DNAH5: variants seen among roughly 807,000 people sequenced by gnomAD.
DNAH5 encodes dynein axonemal heavy chain 5.
In DNAH5, 372 loss-of-function variants were observed where a neutral mutation model predicts 518.2. The ratio of observed to expected loss-of-function variants is 0.72; its 90% CI spans 0.66 to 0.78. The LOEUF (loss-of-function observed/expected upper bound fraction) is 0.78. Among genes scored for constraint, DNAH5 ranks in the 30% least tolerant of loss-of-function variants. DNAH5 has a pLI of 0.00. For synonymous variants in DNAH5, 2,039 were observed against 2,025.9 expected (o/e 1.01, Z -0.17); for missense variants, 5,523 against 5,687.0 (o/e 0.97, Z 0.93).
chr5:13,719,907 A>G (rs1031908901), intron 71 of DNAH5, among the ~76,000 whole-genome samples: 20 of 152,180 alleles, frequency 1.3e-4, no homozygotes, highest in African/African-American at 4.3e-4. Flanking sequence ...GAATTATACC[A>G]TAAGGATAGG....
Position 13,753,521 on chromosome 5 carries a change from T to C in DNAH5, c.10584A>G (p.Leu3528=), listed in dbSNP as rs765951022. 61 of 1,613,790 alleles carry C rather than the reference T, an allele frequency of 3.8e-5. No individual in the cohort carries two copies. The highest frequency in any genetic ancestry group is 4.8e-5 in the Non-Finnish European group (57 of 1,179,892). Reference sequence around the variant, plus strand: ...CTTGGTTAAATGGACCAGAATAAGATAGAAAAGCTGTAGCCAACAGTACAT... The same window carrying C: ...CTTGGTTAAATGGACCAGAATAAGACAGAAAAGCTGTAGCCAACAGTACAT... ...VGDVLLATAF[L]SYSGPFNQEF... is the part of the protein sequence containing the mutation. The change falls in exon 63 of 79, where the codon CTA becomes CTG. Residue 3528 remains leucine (L), a synonymous_variant. Coordinates refer to ENST00000265104, the MANE Select transcript of DNAH5 (RefSeq NM_001369.3).
chr5:13,951,721 C>T lies in DNAH5; in HGVS notation c.13-20477G>A, dbSNP rs188127182. Among the ~76,000 whole-genome samples, 3 of 152,288 alleles carry T rather than the reference C, an allele frequency of 2.0e-5. No individual in the cohort carries two copies. The East Asian group carries it at 5.8e-4, about 29-fold the overall frequency. Reference sequence around the variant, plus strand: ...CTGTCCCATCAACAGACACACACCACCCTGCAGAAACCAGACAGCTGTGGA... The same window carrying T: ...CTGTCCCATCAACAGACACACACCATCCTGCAGAAACCAGACAGCTGTGGA... On this transcript the variant is annotated intron_variant, in intron 1 of 78. Transcript: ENST00000681290.
chr5:13,778,539 GAAGAAAGAAAGAAAGAAAGAAAGAAAGA>G (rs397996833), intron 53 of DNAH5, among the ~76,000 whole-genome samples: 3 of 73,858 alleles, frequency 4.1e-5, no homozygotes, highest in Non-Finnish European at 7.9e-5. Context: ...GAGAGAGAGA[GAAGAAAGAAAGAAAGAAAGAAAGAAAGA>G]AAGAAAGAAA....
rs896189091 is a variant in DNAH5, at chr5:13,720,682, T to G, written c.12279+318A>C. ...GGCATTGCACCCAGGTGATCTAAAC[T>G]TCTTAGGTGAGAACTCTGATATTCC... On this transcript the variant is annotated intron_variant, in intron 71 of 78. Transcript: ENST00000265104. Among the ~76,000 whole-genome samples the G allele has an allele frequency of 4.6e-5, 7 of 152,278 alleles. No homozygotes were observed. The East Asian group carries it at 9.6e-4, about 21-fold the overall frequency.
intron 78 of DNAH5, among the ~76,000 whole-genome samples, chr5:13,694,216 T>C (rs990511526): frequency 8.5e-5 from 13 of 152,312 alleles, no homozygotes; most frequent in Admixed American, 7.8e-4. Context: ...AAAAATAGCA[T>C]TCTCTTCAAT....
At chr5:13,909,798 A>G (rs898118035) in intron 12 of DNAH5, among the ~76,000 whole-genome samples, 2 of 152,188 alleles carry the variant, frequency 1.3e-5, no homozygotes, top group Non-Finnish European at 2.9e-5. Context: ...TCTGACTATG[A>G]GCTGCGAGGG....
In DNAH5 at chr5:13,714,581, G is replaced by A. The variant is rs1210311486; in HGVS notation, c.12949C>T (p.His4317Tyr). 1 of 1,614,144 alleles carries A rather than the reference G, an allele frequency of 6.2e-7. No individual in the cohort carries two copies. The highest frequency in any genetic ancestry group is 1.3e-5 in the African/African-American group (1 of 75,044). The change falls in exon 75 of 79, where the codon CAC (histidine) becomes TAC (tyrosine). Residue 4317 changes from histidine (H) to tyrosine (Y), a missense_variant. This residue lies in a region of DNAH5 where 387 missense variants were observed against 430.0 expected (regional missense o/e 0.90). Transcript: ENST00000265104. ...TGGTAGGTGATGTCAGCATTGGGGT[G>A]CAGCCCAAACACCTCAGGGCTGTCA... The part of the protein sequence containing the change: ...AYDSPEVFGL[H>Y]PNADITYQSK...
In DNAH5 at chr5:13,792,161, C is replaced by A; in HGVS notation, c.8281G>T (p.Asp2761Tyr). The stretch of plus-strand genomic sequence containing the variant: ...AGAGGCACCAATTTTGTCACAGAAT[C>A]TCTCACTTCTTCTGAGAAACCCCTC... ...TQRGFSEEVR[D>Y]SVTKLVPLTR... The change falls in exon 50 of 79, where the codon GAT becomes TAT. Residue 2761 changes from aspartate to tyrosine, a missense_variant. Coordinates refer to ENST00000265104, the MANE Select transcript of DNAH5 (RefSeq NM_001369.3). The A allele has an allele frequency of 6.2e-7, 1 of 1,614,014 alleles. No homozygotes were observed. Among genetic ancestry groups the A allele is most frequent in the South Asian group, 1.1e-5 (1 of 91,070 alleles).
intron 52 of DNAH5, 117 bp downstream of exon 52, chr5:13,786,062 G>A: frequency 9.8e-7 from 1 of 1,018,450 alleles, no homozygotes; most frequent in Non-Finnish European, 1.5e-6. Context: ...ATAGCATGGA[G>A]TCTAATTTTA....
intron 72 of DNAH5, 65 bp downstream of exon 72, chr5:13,718,817 A>G: frequency 7.2e-7 from 1 of 1,385,092 alleles, no homozygotes; most frequent in Non-Finnish European, 1.0e-6. Context: ...TCCTTTTATA[A>G]TTTTTTTAGG....
At chr5:13,724,974 CA>C (rs1415625091) in intron 70 of DNAH5, among the ~76,000 whole-genome samples, 1 of 152,140 alleles carries the variant, frequency 6.6e-6, no homozygotes, top group African/African-American at 2.4e-5. Context: ...TAGCAACGCA[CA>C]AACTAACAAA....
At chr5:13,959,971 A>G (rs1311450832) in intron 1 of DNAH5, among the ~76,000 whole-genome samples, 1 of 152,120 alleles carries the variant, frequency 6.6e-6, no homozygotes, top group Non-Finnish European at 1.5e-5. Flanking sequence ...TCCATCTCAA[A>G]AAAAAAGATT....
chr5:13,822,233 T>C (rs1220391130), intron 40 of DNAH5, among the ~76,000 whole-genome samples: 2 of 143,008 alleles, frequency 1.4e-5, no homozygotes, highest in East Asian at 5.4e-4. Context: ...TACATTTTGA[T>C]TTCCTTTTTT....
At chr5:13,970,963 C>T (rs1169997213) in intron 1 of DNAH5, among the ~76,000 whole-genome samples, 1 of 152,030 alleles carries the variant, frequency 6.6e-6, no homozygotes, top group African/African-American at 2.4e-5. Flanking sequence ...CCAAACTTCT[C>T]GGAGGCTTTG....
At chr5:13,874,960 G>A (rs1484089929) in intron 22 of DNAH5, among the ~76,000 whole-genome samples, 1 of 152,106 alleles carries the variant, frequency 6.6e-6, no homozygotes, top group African/African-American at 2.4e-5. Context: ...CTGTGGTTGA[G>A]GCAGAATCAT....
intron 65 of DNAH5, among the ~76,000 whole-genome samples, chr5:13,738,730 G>T (rs1747961078): frequency 6.6e-6 from 1 of 152,052 alleles, no homozygotes; most frequent in Non-Finnish European, 1.5e-5. Flanking sequence ...CCAAAGGCAG[G>T]GAGACAAAAC....
chr5:13,790,972 G>C (rs1756889228), intron 50 of DNAH5, among the ~76,000 whole-genome samples: 1 of 152,020 alleles, frequency 6.6e-6, no homozygotes, highest in Non-Finnish European at 1.5e-5. Flanking sequence ...ATTGGGTACT[G>C]GGATTAATAC....
At chr5:13,860,683 C>T (rs943556041) in intron 29 of DNAH5, 8 of 152,128 alleles carry the variant, frequency 5.3e-5, no homozygotes, top group African/African-American at 1.9e-4. Flanking sequence ...CAACCTGAAC[C>T]ACCTACATTA....
In DNAH5 at chr5:13,690,561, G is replaced by A. The variant is rs1316812829; in HGVS notation, c.*1423C>T. On this transcript the variant is annotated 3_prime_UTR_variant, in exon 79 of 79. Transcript: ENST00000265104. ...AAATAATGATCCTGGTCCACAGAAT[G>A]AAGCCCAGTGAGAGGGACCCACACT... is the stretch of plus-strand genomic sequence containing the variant. The A allele has an allele frequency of 6.6e-6, 1 of 152,128 alleles. No individual in the cohort carries two copies. The highest frequency in any genetic ancestry group is 1.5e-5 in the Non-Finnish European group (1 of 68,028). 9.4% of individuals were successfully genotyped at this position (152,128 alleles called of 1,614,324 possible).
Sources: gnomAD v4.1 joint callset for allele counts (sites outside exome capture counted in the v4.1 genomes callset) on GRCh38, gnomAD v4.1.1 for gene constraint, gnomAD v4.1.1 regional missense constraint, MANE v1.5 for transcripts, NCBI Gene and HGNC (gene_info 2026-07-23, HGNC 2026-07-21) for gene names.